CD247: variants seen among roughly 807,000 people sequenced by gnomAD.
CD247 encodes T-cell surface glycoprotein CD3 zeta chain.
In CD247, 13 loss-of-function variants were observed where a neutral mutation model predicts 30.0. The observed-to-expected ratio is 0.43, with a 90% confidence interval of 0.28 to 0.69. The LOEUF (loss-of-function observed/expected upper bound fraction) is 0.69. Ranked by LOEUF, CD247 falls within the 30% of genes least tolerant of loss-of-function variation. CD247 has a pLI of 0.16. For missense variants in CD247, 193 were observed against 212.6 expected, an observed-to-expected ratio of 0.91 and a Z score of 0.57; for synonymous variants, 72 against 80.0, an observed-to-expected ratio of 0.90 and a Z score of 0.53.
intron 1 of CD247, among the ~76,000 whole-genome samples, chr1:167,464,524 T>A (rs1256521889): frequency 6.6e-6 from 1 of 152,174 alleles, no homozygotes; most frequent in Non-Finnish European, 1.5e-5. Flanking sequence ...GAAGCTTCCC[T>A]CAAACTCAGG....
chr1:167,431,689 G>T lies in CD247; in HGVS notation c.487C>A (p.Pro163Thr). 6.2e-7 allele frequency: 1 copy of T among 1,614,038 alleles called. No homozygotes were observed. Among genetic ancestry groups the T allele is most frequent in the Admixed American group, 1.7e-5 (1 of 60,028 alleles). ...YDALHMQALPPR is the reference protein window; with the variant it reads ...YDALHMQALPTR ...GTGAAATCCCCTGGCTGTTAGCGAG[G>T]GGGCAGGGCCTGCATGTGAAGGGCG... Residue 163 changes from proline (P) to threonine (T), a missense_variant, in exon 8 of 8, where the codon CCT becomes ACT. Pro to Thr is a conservative substitution (Grantham distance 38, BLOSUM62 -1). Transcript: ENST00000362089.
intron 1 of CD247, among the ~76,000 whole-genome samples, chr1:167,511,030 A>T (rs142126544): frequency 7.2e-5 from 11 of 152,336 alleles, no homozygotes; most frequent in Non-Finnish European, 1.2e-4. Flanking sequence ...GCTCCAGTCA[A>T]CAGCACAAGG....
At chr1:167,499,421 A>G (rs1049107661) in intron 1 of CD247, among the ~76,000 whole-genome samples, 6 of 152,154 alleles carry the variant, frequency 3.9e-5, no homozygotes, top group African/African-American at 1.2e-4. Context: ...ATTTCTGGGA[A>G]ATTGTTGCTA....
chr1:167,484,386 CT>C (rs1654111619), intron 1 of CD247, among the ~76,000 whole-genome samples: 1 of 152,210 alleles, frequency 6.6e-6, no homozygotes, highest in Admixed American at 6.5e-5. Flanking sequence ...CTGAAGTCCC[CT>C]CTGTACACCC....
intron 1 of CD247, among the ~76,000 whole-genome samples, chr1:167,505,901 C>T (rs1348285335): frequency 6.6e-6 from 1 of 152,236 alleles, no homozygotes; most frequent in Admixed American, 6.5e-5. Flanking sequence ...TCATCACACA[C>T]ACCTGAGACC....
intron 2 of CD247, chr1:167,440,112 C>G (rs1325027020): frequency 6.1e-6 from 1 of 164,548 alleles, no homozygotes. Flanking sequence ...GTCCAAAATT[C>G]AAACAAGAAA....
At chr1:167,467,817 G>A (rs898411679) in intron 1 of CD247, among the ~76,000 whole-genome samples, 2 of 152,138 alleles carry the variant, frequency 1.3e-5, no homozygotes, top group Non-Finnish European at 2.9e-5. Flanking sequence ...TAACGGTATG[G>A]TACTTCTGTG....
chr1:167,482,161 C>G (rs2102065072), intron 1 of CD247, among the ~76,000 whole-genome samples: 1 of 152,274 alleles, frequency 6.6e-6, no homozygotes, highest in Non-Finnish European at 1.5e-5. Flanking sequence ...GACCATGAAC[C>G]CACAGTAGGT....
intron 1 of CD247, among the ~76,000 whole-genome samples, chr1:167,486,583 T>C (rs1230060267): frequency 1.3e-5 from 2 of 152,248 alleles, no homozygotes; most frequent in African/African-American, 2.4e-5. Flanking sequence ...TTGGCAGGCA[T>C]GCCACTGACG....
Position 167,518,451 on chromosome 1 carries a change from C to T in CD247, c.15G>A (p.Ala5=), listed in dbSNP as rs746701386. The T allele has an allele frequency of 1.1e-5, 18 of 1,614,012 alleles. No homozygotes were observed. The highest frequency in any genetic ancestry group is 1.7e-5 in the Admixed American group (1 of 60,010). Reference sequence around the variant, plus strand: ...CCTGCAGGATGGCCGCGGTGAAAAGCGCCTTCCACTTCATCTTGTCCTTTC... The same window carrying T: ...CCTGCAGGATGGCCGCGGTGAAAAGTGCCTTCCACTTCATCTTGTCCTTTC... MKWK[A]LFTAAILQAQ... Residue 5 remains alanine (A), a synonymous_variant, in exon 1 of 8, where the codon GCG becomes GCA. Coordinates refer to ENST00000362089, the MANE Select transcript of CD247 (RefSeq NM_198053.3).
chr1:167,505,064 T>C (rs1380304743), intron 1 of CD247, among the ~76,000 whole-genome samples: 1 of 152,226 alleles, frequency 6.6e-6, no homozygotes, highest in African/African-American at 2.4e-5. Context: ...AATATTCTCT[T>C]GCACAAAACC....
intron 1 of CD247, among the ~76,000 whole-genome samples, chr1:167,456,448 TAA>T (rs1311299304): frequency 6.6e-6 from 1 of 152,204 alleles, no homozygotes; most frequent in South Asian, 2.1e-4. Flanking sequence ...TGGAAATTTT[TAA>T]AAGACAGGAA....
At chr1:167,440,521 A>C in intron 2 of CD247, 143 bp downstream of exon 2, 1 of 691,594 alleles carries the variant, frequency 1.4e-6, no homozygotes, top group Non-Finnish European at 2.6e-6. Context: ...CTCAAGGCAC[A>C]CACTTGGCTG....
At chr1:167,475,233 G>A (rs1451542227) in intron 1 of CD247, among the ~76,000 whole-genome samples, 2 of 152,052 alleles carry the variant, frequency 1.3e-5, no homozygotes, top group African/African-American at 4.8e-5. Context: ...TGGAATAGTA[G>A]AATGAGCCTC....
Position 167,444,202 on chromosome 1 carries a change from TG to T in CD247, c.59-3436del, listed in dbSNP as rs201651145. On this transcript the variant is annotated intron_variant, in intron 1 of 7. Transcript: ENST00000362089. ...TGTCTGATATTTGGGTCGAGTCTTC[TG>T]AGTCCCTGCCCTCATGGGGCTTAAG... Among the ~76,000 whole-genome samples the T allele has an allele frequency of 4.2e-3, 645 of 152,356 alleles. 8 individuals are homozygous for T. Among genetic ancestry groups the T allele is most frequent in the African/African-American group, 0.015 (629 of 41,582 alleles).
intron 1 of CD247, among the ~76,000 whole-genome samples, chr1:167,461,224 C>T (rs1029716275): frequency 2.0e-5 from 3 of 152,240 alleles, no homozygotes; most frequent in African/African-American, 7.2e-5. Context: ...GGCATGTCAC[C>T]TCTTCTCTTT....
At chr1:167,451,536 T>G (rs575490900) in intron 1 of CD247, among the ~76,000 whole-genome samples, 1 of 152,306 alleles carries the variant, frequency 6.6e-6, no homozygotes, top group East Asian at 1.9e-4. Flanking sequence ...CTTCCTACTC[T>G]TGCCCCATAA....
intron 1 of CD247, among the ~76,000 whole-genome samples, chr1:167,463,707 C>T (rs939022343): frequency 2.0e-5 from 3 of 152,166 alleles, no homozygotes; most frequent in Non-Finnish European, 4.4e-5. Flanking sequence ...AAAAAGACCC[C>T]ATTGTAATGA....
In CD247 at chr1:167,431,382, G is replaced by T. The variant is rs1371787341; in HGVS notation, c.*299C>A. The T allele has an allele frequency of 1.7e-6, 1 of 600,544 alleles. No homozygotes were observed. The highest frequency in any genetic ancestry group is 3.0e-6 in the Non-Finnish European group (1 of 338,690). 37.2% of individuals were successfully genotyped at this position (600,544 alleles called of 1,614,324 possible). The stretch of plus-strand genomic sequence containing the variant: ...CTCAACAACTCAGCTGTGAGAGGCA[G>T]TGCGCCCGCCTCCCAGGGAGAACGA... On this transcript the variant is annotated 3_prime_UTR_variant, in exon 8 of 8. Coordinates refer to ENST00000362089, the MANE Select transcript of CD247 (RefSeq NM_198053.3).
Sources: gnomAD v4.1 joint callset for allele counts (sites outside exome capture counted in the v4.1 genomes callset) on GRCh38, gnomAD v4.1.1 for gene constraint, MANE v1.5 for transcripts, NCBI Gene and HGNC (gene_info 2026-07-23, HGNC 2026-07-21) for gene names.